Variants in DNAH3 observed in about 807,000 individuals in gnomAD.
DNAH3 encodes axonemal beta dynein heavy chain 3.
Under a neutral mutation model 432.5 loss-of-function variants are expected in DNAH3, and 332 were observed. That is an observed-to-expected ratio of 0.77 (90% confidence interval 0.70 to 0.84). DNAH3 has a LOEUF of 0.84. DNAH3 is among the 40% of genes least tolerant of loss of function. The probability of loss-of-function intolerance (pLI) is 0.00; values close to 1 mark genes in which losing one functional copy is unlikely to be tolerated. For synonymous variants in DNAH3, 1,956 were observed against 1,900.2 expected (o/e 1.03, Z -0.76); for missense variants, 4,861 against 5,114.0 (o/e 0.95, Z 1.51).
chr16:20,979,254 G>T, intron 50 of DNAH3, 76 bp downstream of exon 50: 3 of 1,398,570 alleles, frequency 2.1e-6, no homozygotes, highest in South Asian at 1.2e-5. Context: ...TCTTAATTCC[G>T]CACCTGAACA....
intron 41 of DNAH3, among the ~76,000 whole-genome samples, chr16:21,004,487 C>A (rs2087181423): frequency 6.6e-6 from 1 of 152,184 alleles, no homozygotes; most frequent in Non-Finnish European, 1.5e-5. Flanking sequence ...CCTGCCTCAA[C>A]TTCCCAAGTA....
chr16:21,114,105 A>G (rs1344125931), intron 12 of DNAH3, among the ~76,000 whole-genome samples: 2 of 152,248 alleles, frequency 1.3e-5, no homozygotes, highest in African/African-American at 4.8e-5. Flanking sequence ...TAAAAGTTAT[A>G]TGAATGTGGT....
intron 14 of DNAH3, among the ~76,000 whole-genome samples, chr16:21,107,601 C>G (rs2091977747): frequency 6.6e-6 from 1 of 152,160 alleles, no homozygotes; most frequent in Admixed American, 6.5e-5. Context: ...GGTAATCCCT[C>G]TTGGCAGAGA....
Position 21,145,162 on chromosome 16 carries a change from G to A in DNAH3, c.448+19C>T, listed in dbSNP as rs2152831931. 1 of 1,589,818 alleles carries A rather than the reference G, an allele frequency of 6.3e-7. No homozygotes were observed. ...CTCCAAAGCCCCATTCTGCAAGGGT[G>A]TGACACTGCCACAAGTACCTGATGA... On this transcript the variant is annotated intron_variant, in intron 3 of 61. Coordinates refer to ENST00000261383, the Ensembl canonical transcript of DNAH3.
chr16:21,157,362 C>G (rs182271045), intron 1 of DNAH3, among the ~76,000 whole-genome samples: 1 of 125,950 alleles, frequency 7.9e-6, no homozygotes, highest in East Asian at 2.3e-4. Context: ...TTTTTTGAGA[C>G]AGGGTCTCAC....
intron 18 of DNAH3, 47 bp from the exon 19 acceptor site, chr16:21,087,107 A>T (rs1319592979): frequency 6.8e-7 from 1 of 1,464,782 alleles, no homozygotes; most frequent in Non-Finnish European, 9.6e-7. Flanking sequence ...TGTGGATGTT[A>T]GTCATGCGTA....
At chr16:21,031,833 G>GC (rs1449224382) in intron 36 of DNAH3, among the ~76,000 whole-genome samples, 1 of 152,172 alleles carries the variant, frequency 6.6e-6, no homozygotes, top group African/African-American at 2.4e-5. Context: ...TTTGAGACCA[G>GC]CCTGGCCAAT....
intron 15 of DNAH3, among the ~76,000 whole-genome samples, chr16:21,106,055 CTGTAG>C (rs928577016): frequency 6.6e-6 from 1 of 151,992 alleles, no homozygotes; most frequent in African/African-American, 2.4e-5. Context: ...TGGCACGTGC[CTGTAG>C]TCCCAGCTAC....
intron 11 of DNAH3, among the ~76,000 whole-genome samples, chr16:21,117,574 C>G (rs893686278): frequency 8.5e-5 from 13 of 152,142 alleles, no homozygotes; most frequent in African/African-American, 3.1e-4. Context: ...GGGTCTTGTC[C>G]TTTGAGAGTC....
exon 8 of DNAH3, chr16:21,127,775 G>C (rs1567839132): frequency 2.5e-6 from 4 of 1,614,134 alleles, no homozygotes; most frequent in Non-Finnish European, 3.4e-6. Context: ...TTTCCCGCTA[G>C]TATTTCTGCT....
Position 21,027,137 on chromosome 16 carries a change from CA to C in DNAH3, c.5440-11del. ...CACTCATGAGACACAGCTAAAAGTG[CA>C]AAGCAGAGGGTAGCAGACAGGGGAA... On this transcript the variant is annotated splice_polypyrimidine_tract_variant and intron_variant, in intron 37 of 61. Transcript: ENST00000261383. 6.2e-7 allele frequency: 1 copy of C among 1,600,426 alleles called. No individual in the cohort carries two copies. Among genetic ancestry groups the C allele is most frequent in the Non-Finnish European group, 8.6e-7 (1 of 1,167,896 alleles).
At chr16:21,134,364 G>T (rs552306968) in exon 7 of DNAH3, 2 of 1,614,096 alleles carry the variant, frequency 1.2e-6, no homozygotes, top group East Asian at 4.5e-5. Context: ...CCAGGGCACA[G>T]GGGCCCGGAT....
At chr16:21,109,030 G>A (rs2092009644) in intron 14 of DNAH3, among the ~76,000 whole-genome samples, 1 of 151,260 alleles carries the variant, frequency 6.6e-6, no homozygotes, top group Admixed American at 6.6e-5. Context: ...GGCTGAGGCT[G>A]GTGAATCACT....
At chr16:21,000,130 GGTATGTA>G in intron 43 of DNAH3, 87 bp downstream of exon 43, 1 of 1,313,924 alleles carries the variant, frequency 7.6e-7, no homozygotes, top group East Asian at 2.3e-5. Flanking sequence ...GGAGAGTAAA[GGTATGTA>G]CAGTGGCACC....
intron 52 of DNAH3, among the ~76,000 whole-genome samples, chr16:20,969,307 T>C (rs1241566009): frequency 6.6e-6 from 1 of 151,748 alleles, no homozygotes; most frequent in Non-Finnish European, 1.5e-5. Flanking sequence ...TGTGTGTGTG[T>C]GCATGCATGC....
exon 56 of DNAH3, chr16:20,952,439 G>T (rs1443497695): frequency 6.2e-7 from 1 of 1,600,436 alleles, no homozygotes; most frequent in Non-Finnish European, 8.6e-7. Flanking sequence ...ATACCTGTCA[G>T]GTAGGTCAGA....
At chr16:20,951,553 C>T (rs1351001071) in intron 56 of DNAH3, among the ~76,000 whole-genome samples, 2 of 151,596 alleles carry the variant, frequency 1.3e-5, no homozygotes, top group Non-Finnish European at 2.9e-5. Flanking sequence ...AAGCAATCCT[C>T]CCACCTTAGT....
chr16:20,975,140 C>CT lies in DNAH3; in HGVS notation c.8259+92dup. ...GCCACCATGCCCAGCCTTGCCTACC[C>CT]TTTCTGAGCCTCACTTTTCTCATCC... On this transcript the variant is annotated intron_variant, in intron 51 of 61. Transcript: ENST00000261383. The CT allele has an allele frequency of 4.0e-6, 6 of 1,483,894 alleles. No individual in the cohort carries two copies. In the South Asian group the frequency reaches 6.6e-5, roughly 16 times the overall value. The allele number at this position is 1,483,894 out of a possible 1,614,324, so 91.9% of individuals were successfully genotyped here. A position where few individuals can be genotyped will look rare whatever the true frequency, so the allele number is the denominator to read the frequency against.
chr16:20,963,418 C>T lies in DNAH3; in HGVS notation c.10466G>A (p.Arg3489Gln), dbSNP rs111539520. ...TCCCATATGTTCAGCAATGAACTCC[C>T]GGACCGCTGGCACCATTTTGTCAGG... Residue 3489 changes from arginine (R) to glutamine (Q), a missense_variant, in exon 53 of 62, where the codon CGG becomes CAG. Physicochemically the swap from Arg to Gln is conservative, Grantham distance 43 (BLOSUM62 1). Coordinates refer to ENST00000261383, the Ensembl canonical transcript of DNAH3. The T allele has an allele frequency of 0.034, 55,367 of 1,614,088 alleles. 1,202 individuals are homozygous for T. The highest frequency in any genetic ancestry group is 0.043 in the Non-Finnish European group (51,248 of 1,180,006).
Sources: gnomAD v4.1 joint callset for allele counts (sites outside exome capture counted in the v4.1 genomes callset) on GRCh38, gnomAD v4.1.1 for gene constraint, MANE v1.5 for transcripts, NCBI Gene and HGNC (gene_info 2026-07-23, HGNC 2026-07-21) for gene names.